Variants in DLG2 observed in about 807,000 individuals in gnomAD.
DLG2 encodes disks large homolog 2.
DLG2 carries 45 observed loss-of-function variants against 132.5 expected under a neutral mutation model. That is an observed-to-expected ratio of 0.34 (90% confidence interval 0.27 to 0.44). DLG2 has a LOEUF of 0.44. Ranked by LOEUF, DLG2 falls within the 20% of genes least tolerant of loss-of-function variation. The pLI is 1.00. For synonymous variants in DLG2, 424 were observed against 419.6 expected, an observed-to-expected ratio of 1.01 and a Z score of -0.13; for missense variants, 1,045 against 1,196.9, an observed-to-expected ratio of 0.87 and a Z score of 1.87.
At chr11:83,921,911 G>T (rs139018150) in intron 15 of DLG2, among the ~76,000 whole-genome samples, 1 of 151,968 alleles carries the variant, frequency 6.6e-6, no homozygotes, top group Non-Finnish European at 1.5e-5. Flanking sequence ...TTATTTGAAC[G>T]TCACAGAATA....
chr11:84,836,875 T>C (rs569462200), intron 6 of DLG2, among the ~76,000 whole-genome samples: 1 of 152,004 alleles, frequency 6.6e-6, no homozygotes, highest in South Asian at 2.1e-4. Flanking sequence ...TTTTTTTTAT[T>C]ACACTTTCAG....
At chr11:84,320,152 G>A (rs1425116125) in intron 7 of DLG2, among the ~76,000 whole-genome samples, 1 of 152,148 alleles carries the variant, frequency 6.6e-6, no homozygotes. Flanking sequence ...GATTTAACAT[G>A]GGCAGATGGT....
At chr11:83,609,229 C>G (rs1188069467) in intron 19 of DLG2, among the ~76,000 whole-genome samples, 1 of 152,172 alleles carries the variant, frequency 6.6e-6, no homozygotes, top group Non-Finnish European at 1.5e-5. Flanking sequence ...ATTTCCTAAG[C>G]CAGGCAATCT....
intron 4 of DLG2, among the ~76,000 whole-genome samples, chr11:85,229,516 A>T (rs1456344491): frequency 2.0e-5 from 3 of 152,162 alleles, no homozygotes; most frequent in Admixed American, 6.6e-5. Flanking sequence ...ATGTGGAGAA[A>T]CAGGAATGCT....
intron 18 of DLG2, among the ~76,000 whole-genome samples, chr11:83,637,393 G>A (rs1316987862): frequency 6.6e-6 from 1 of 152,102 alleles, no homozygotes; most frequent in Non-Finnish European, 1.5e-5. Context: ...CATTTACTGA[G>A]CACCTGCAAT....
At chr11:84,916,831 TC>T (rs1469094012) in intron 6 of DLG2, among the ~76,000 whole-genome samples, 1 of 152,228 alleles carries the variant, frequency 6.6e-6, no homozygotes, top group East Asian at 1.9e-4. Flanking sequence ...TCTTAGATGT[TC>T]CCTAAAATGC....
intron 8 of DLG2, among the ~76,000 whole-genome samples, chr11:84,196,308 C>T (rs561982180): frequency 1.7e-4 from 26 of 152,178 alleles, no homozygotes; most frequent in African/African-American, 6.3e-4. Context: ...AGGAACTCAA[C>T]AGACAGAAAA....
intron 7 of DLG2, among the ~76,000 whole-genome samples, chr11:84,402,625 TTTTA>T: frequency 6.6e-6 from 1 of 151,584 alleles, no homozygotes; most frequent in Non-Finnish European, 1.5e-5. Context: ...ACGCCTGTAA[TTTTA>T]CCCAGCACTT....
intron 4 of DLG2, among the ~76,000 whole-genome samples, chr11:85,247,818 A>C (rs890699025): frequency 2.0e-5 from 3 of 152,086 alleles, no homozygotes; most frequent in Admixed American, 6.6e-5. Context: ...CCTAAATCAC[A>C]GGAGTATATA....
chr11:83,466,906 G>A (rs1416462717), intron 25 of DLG2, 89 bp from the exon 26 acceptor site: 12 of 812,358 alleles, frequency 1.5e-5, no homozygotes, highest in South Asian at 1.1e-4. Flanking sequence ...AGGTTTTAGA[G>A]GAAGGTAGGG....
At chr11:83,872,862 G>C (rs2063739420) in intron 16 of DLG2, among the ~76,000 whole-genome samples, 1 of 152,166 alleles carries the variant, frequency 6.6e-6, no homozygotes, top group African/African-American at 2.4e-5. Flanking sequence ...GGTAGAGACA[G>C]TGGTAAAATT....
intron 5 of DLG2, among the ~76,000 whole-genome samples, chr11:85,142,332 G>GT (rs1212592551): frequency 1.3e-5 from 2 of 151,554 alleles, no homozygotes; most frequent in African/African-American, 4.8e-5. Context: ...GTAAATGGGA[G>GT]TTTTTTTCTT....
intron 6 of DLG2, among the ~76,000 whole-genome samples, chr11:84,938,893 C>T (rs2049057783): frequency 6.6e-6 from 1 of 152,004 alleles, no homozygotes; most frequent in African/African-American, 2.4e-5. Flanking sequence ...AAATATAACC[C>T]TTTGTGTGCA....
At chr11:84,685,383 A>G (rs1176948808) in intron 6 of DLG2, among the ~76,000 whole-genome samples, 1 of 152,232 alleles carries the variant, frequency 6.6e-6, no homozygotes, top group Non-Finnish European at 1.5e-5. Flanking sequence ...TCCTAAATAC[A>G]GAATCTAGAC....
chr11:83,621,989 A>T (rs1402188454), intron 19 of DLG2, among the ~76,000 whole-genome samples: 2 of 152,110 alleles, frequency 1.3e-5, no homozygotes, highest in East Asian at 3.9e-4. Flanking sequence ...ATCTCAGCTC[A>T]CTGCAACCTC....
intron 7 of DLG2, among the ~76,000 whole-genome samples, chr11:84,263,340 A>T (rs1598610067): frequency 6.6e-6 from 1 of 152,304 alleles, no homozygotes; most frequent in African/African-American, 2.4e-5. Flanking sequence ...CAGAAATAAA[A>T]GACAAAAGTT....
chr11:84,934,887 G>C (rs999650805), intron 6 of DLG2, among the ~76,000 whole-genome samples: 1 of 151,756 alleles, frequency 6.6e-6, no homozygotes, highest in Non-Finnish European at 1.5e-5. Context: ...TAACTTCCAA[G>C]TCTTTTTCTA....
chr11:84,319,238 T>A (rs1364811905), intron 7 of DLG2, among the ~76,000 whole-genome samples: 1 of 152,080 alleles, frequency 6.6e-6, no homozygotes, highest in Admixed American at 6.6e-5. Flanking sequence ...TTATTTTAGA[T>A]CAATAGATTA....
rs143198127 is a variant in DLG2, at chr11:85,159,905, T to A, written c.187-5254A>T. On this transcript the variant is annotated intron_variant, in intron 4 of 27. Coordinates refer to ENST00000376104, the MANE Select transcript of DLG2 (RefSeq NM_001142699.3). ...ATACCACAATGGCCCATTACATTGA[T>A]GACATTATGCTGATTGGATCCAGTG... Among the ~76,000 whole-genome samples, 113 of 152,310 alleles carry A rather than the reference T, an allele frequency of 7.4e-4. No individual in the cohort carries two copies. The Middle Eastern group carries it at 0.014, about 18-fold the overall frequency.
Sources: allele counts gnomAD v4.1 joint callset (sites outside exome capture counted in the v4.1 genomes callset), GRCh38; gene constraint gnomAD v4.1.1; transcripts MANE v1.5; gene names NCBI Gene and HGNC (gene_info 2026-07-23, HGNC 2026-07-21).